MAST4: variants seen among roughly 807,000 people sequenced by gnomAD.
MAST4 encodes the protein microtubule-associated serine/threonine-protein kinase 4.
In MAST4, 89 loss-of-function variants were observed where a neutral mutation model predicts 162.7. The ratio of observed to expected loss-of-function variants is 0.55; its 90% CI spans 0.46 to 0.65. MAST4 has a LOEUF of 0.65. MAST4 is among the 30% of genes least tolerant of loss of function. The pLI is 0.00. For synonymous variants in MAST4, 1,479 were observed against 1,361.1 expected (o/e 1.09, Z -1.91); for missense variants, 3,153 against 3,374.0 (o/e 0.93, Z 1.62).
At chr5:66,710,431 T>G (rs1452881633) in intron 1 of MAST4, among the ~76,000 whole-genome samples, 1 of 152,158 alleles carries the variant, frequency 6.6e-6, no homozygotes, top group Non-Finnish European at 1.5e-5. Flanking sequence ...ATGGCTGGGA[T>G]TTTTCTCACT....
intron 1 of MAST4, among the ~76,000 whole-genome samples, chr5:66,610,781 C>G (rs1298595959): frequency 1.3e-5 from 2 of 152,240 alleles, no homozygotes; most frequent in Non-Finnish European, 2.9e-5. Context: ...AGAAGGAACC[C>G]ACACATTCAG....
rs564593402 is a variant in MAST4, at chr5:67,006,405, A to G, written c.675-47999A>G. Among the ~76,000 whole-genome samples, 6 of 152,356 alleles carry G rather than the reference A, an allele frequency of 3.9e-5. 1 individual carries two copies. The highest frequency in any genetic ancestry group is 9.6e-5 in the African/African-American group (4 of 41,578). On this transcript the variant is annotated intron_variant, in intron 4 of 28. Transcript: ENST00000403625. ...TAGTATTGCTCATCAAGTTGTGTCAACCATGCACCAAACCTCCAAGACAAC... is the reference window on the plus strand; with the variant it reads ...TAGTATTGCTCATCAAGTTGTGTCAGCCATGCACCAAACCTCCAAGACAAC...
intron 7 of MAST4, 101 bp from the exon 8 acceptor site, chr5:67,100,334 A>C (rs1764895136): frequency 9.0e-7 from 1 of 1,109,910 alleles, no homozygotes; most frequent in Non-Finnish European, 1.3e-6. Flanking sequence ...AGAAACAATA[A>C]AAATGGTGGT....
chr5:67,143,277 CA>C (rs11284037), intron 21 of MAST4, among the ~76,000 whole-genome samples: 98,770 of 139,244 alleles, frequency 0.71, 35,714 homozygotes, highest in Non-Finnish European at 0.81. Flanking sequence ...AAAAAAAAGC[CA>C]AAAAAAAAAA....
chr5:67,132,674 A>G (rs1241844922), intron 16 of MAST4, among the ~76,000 whole-genome samples: 1 of 152,122 alleles, frequency 6.6e-6, no homozygotes, highest in East Asian at 1.9e-4. Flanking sequence ...GACATCATTT[A>G]TTAAATATTT....
At chr5:66,907,689 T>C (rs1431827702) in intron 4 of MAST4, among the ~76,000 whole-genome samples, 3 of 151,202 alleles carry the variant, frequency 2.0e-5, no homozygotes, top group Non-Finnish European at 4.4e-5. Context: ...CAGAAAATAC[T>C]GCCTTGACTG....
At chr5:66,816,573 G>A (rs1036244219) in intron 3 of MAST4, among the ~76,000 whole-genome samples, 1 of 152,190 alleles carries the variant, frequency 6.6e-6, no homozygotes, top group African/African-American at 2.4e-5. Context: ...GTCTGGTTTT[G>A]TAGATCTGTA....
chr5:66,661,119 A>G (rs1746880059), intron 1 of MAST4, among the ~76,000 whole-genome samples: 1 of 152,218 alleles, frequency 6.6e-6, no homozygotes, highest in South Asian at 2.1e-4. Context: ...ATTCAGTGGC[A>G]AGAAACGCAA....
At chr5:66,819,469 G>A (rs1756886360) in intron 3 of MAST4, among the ~76,000 whole-genome samples, 1 of 151,958 alleles carries the variant, frequency 6.6e-6, no homozygotes, top group African/African-American at 2.4e-5. Context: ...TTAAACTTAG[G>A]GTTTAAAATA....
intron 1 of MAST4, among the ~76,000 whole-genome samples, chr5:66,682,294 C>A (rs1580183607): frequency 6.6e-6 from 1 of 152,178 alleles, no homozygotes; most frequent in East Asian, 1.9e-4. Flanking sequence ...ATATCATCAG[C>A]ATTTTCATGA....
intron 4 of MAST4, among the ~76,000 whole-genome samples, chr5:67,028,249 C>T (rs1043186753): frequency 1.3e-5 from 2 of 151,962 alleles, no homozygotes; most frequent in African/African-American, 2.4e-5. Flanking sequence ...AGACTGTAAT[C>T]TAGGCAAAAC....
chr5:66,611,443 C>T lies in MAST4; in HGVS notation c.363+14425C>T, dbSNP rs566004744. On this transcript the variant is annotated intron_variant, in intron 1 of 28. Coordinates refer to ENST00000403625, the MANE Select transcript of MAST4 (RefSeq NM_001164664.2). ...CCTCTTCTCTGCTTCCTCTTTCTGT[C>T]CTCCTCTCATGAGAGGGTTAATGCT... is the stretch of plus-strand genomic sequence containing the variant. Among the ~76,000 whole-genome samples the T allele has an allele frequency of 4.0e-4, 61 of 152,314 alleles. 1 individual carries two copies. In the South Asian group the frequency reaches 8.7e-3, roughly 22 times the overall value.
intron 1 of MAST4, among the ~76,000 whole-genome samples, chr5:66,670,754 ATT>A (rs11383652): frequency 3.4e-4 from 49 of 146,128 alleles, no homozygotes; most frequent in East Asian, 1.0e-3. Flanking sequence ...AGTAAGCATG[ATT>A]TTTTTTTTTT....
At chr5:66,682,394 A>G in intron 1 of MAST4, among the ~76,000 whole-genome samples, 1 of 152,216 alleles carries the variant, frequency 6.6e-6, no homozygotes, top group East Asian at 1.9e-4. Context: ...GTTTTCACAC[A>G]TGAAAGGTGC....
chr5:67,152,143 T>C (rs528849580), intron 24 of MAST4, among the ~76,000 whole-genome samples: 1 of 152,344 alleles, frequency 6.6e-6, no homozygotes, highest in African/African-American at 2.4e-5. Context: ...ATTGCTTTCC[T>C]GGCCATGTGT....
intron 5 of MAST4, among the ~76,000 whole-genome samples, chr5:67,066,808 C>T (rs1046900613): frequency 6.6e-6 from 1 of 152,136 alleles, no homozygotes; most frequent in Admixed American, 6.5e-5. Context: ...TATTTCCTTA[C>T]TTAGATTTTT....
At chr5:66,867,074 T>C (rs1220630061) in intron 3 of MAST4, among the ~76,000 whole-genome samples, 1 of 152,204 alleles carries the variant, frequency 6.6e-6, no homozygotes, top group Non-Finnish European at 1.5e-5. Context: ...TAAAACTCTT[T>C]TGAATGGACT....
chr5:66,769,891 C>T (rs1754286030), intron 2 of MAST4, among the ~76,000 whole-genome samples: 1 of 152,180 alleles, frequency 6.6e-6, no homozygotes, highest in Admixed American at 6.5e-5. Flanking sequence ...AAGAAAAAGC[C>T]CAGATCCACA....
intron 4 of MAST4, among the ~76,000 whole-genome samples, chr5:66,998,411 A>G (rs1049950729): frequency 1.3e-5 from 2 of 152,186 alleles, no homozygotes; most frequent in Non-Finnish European, 2.9e-5. Context: ...CTTAAACGCA[A>G]TTCGTTACCT....
Sources: gnomAD v4.1 joint callset for allele counts (sites outside exome capture counted in the v4.1 genomes callset) on GRCh38, gnomAD v4.1.1 for gene constraint, MANE v1.5 for transcripts, NCBI Gene and HGNC (gene_info 2026-07-23, HGNC 2026-07-21) for gene names.